Variants in EFNA5 observed in about 807,000 individuals in gnomAD.
EFNA5 encodes the protein ephrin-A5.
In EFNA5, 5 loss-of-function variants were observed where a neutral mutation model predicts 22.9. That is an observed-to-expected ratio of 0.22 (90% CI 0.11 to 0.46). The LOEUF (loss-of-function observed/expected upper bound fraction) is 0.46, where lower values mean the gene tolerates loss of function less well. EFNA5 is among the 20% of genes least tolerant of loss of function. EFNA5 has a pLI of 0.99. For missense variants in EFNA5, 237 were observed against 293.3 expected (o/e 0.81, Z 1.40); for synonymous variants, 113 against 112.2 (o/e 1.01, Z -0.04).
At chr5:107,622,771 C>T (rs1189206013) in intron 1 of EFNA5, among the ~76,000 whole-genome samples, 3 of 151,966 alleles carry the variant, frequency 2.0e-5, no homozygotes, top group Admixed American at 1.3e-4. Context: ...CCTGTAATCC[C>T]AGCACTTTAG....
intron 1 of EFNA5, among the ~76,000 whole-genome samples, chr5:107,472,294 G>T (rs1033576563): frequency 1.3e-5 from 2 of 152,134 alleles, no homozygotes; most frequent in African/African-American, 4.8e-5. Context: ...GGTTACGATG[G>T]CGTCATCAAA....
At position 107,628,688 on chromosome 5, in the gene EFNA5, T is replaced by C. The variant is rs115896545; in HGVS notation, c.125+41801A>G. On this transcript the variant is annotated intron_variant, in intron 1 of 4. Coordinates refer to ENST00000333274, the MANE Select transcript of EFNA5 (RefSeq NM_001962.3). Reference sequence around the variant, plus strand: ...TAATGGGCTGAAAGCAAAACTACAATGTAACTCAAAGAGGGAATATGAAGC... The same window carrying C: ...TAATGGGCTGAAAGCAAAACTACAACGTAACTCAAAGAGGGAATATGAAGC... Among the ~76,000 whole-genome samples, 1,151 of 152,146 alleles carry C rather than the reference T, an allele frequency of 7.6e-3. 18 individuals carry two copies. Among genetic ancestry groups the C allele is most frequent in the African/African-American group, 0.025 (1,048 of 41,500 alleles).
intron 1 of EFNA5, among the ~76,000 whole-genome samples, chr5:107,542,559 G>A (rs575018872): frequency 6.6e-6 from 1 of 152,006 alleles, no homozygotes; most frequent in Non-Finnish European, 1.5e-5. Context: ...GTATAAGGGG[G>A]GGGTGCGGGG....
At chr5:107,535,569 T>C (rs1302977274) in intron 1 of EFNA5, among the ~76,000 whole-genome samples, 2 of 152,154 alleles carry the variant, frequency 1.3e-5, no homozygotes, top group East Asian at 3.8e-4. Context: ...TTATATGACA[T>C]TATTTTTATA....
At chr5:107,527,342 A>G (rs1747715845) in intron 1 of EFNA5, among the ~76,000 whole-genome samples, 1 of 149,934 alleles carries the variant, frequency 6.7e-6, no homozygotes, top group Admixed American at 6.7e-5. Flanking sequence ...GCTGGAATAC[A>G]GTGGCGCAAT....
chr5:107,469,681 C>T (rs2112464388), intron 1 of EFNA5, among the ~76,000 whole-genome samples: 1 of 152,010 alleles, frequency 6.6e-6, no homozygotes, highest in South Asian at 2.1e-4. Context: ...TACCACGCAC[C>T]CAAGAGCTGT....
rs79050966 is a variant in EFNA5, at chr5:107,598,314, T to C, written c.125+72175A>G. ...CCTGAGTCCTGCATAATTTTTAACA[T>C]CTTATCCATAATCACTGGCTCTGAC... On this transcript the variant is annotated intron_variant, in intron 1 of 4. Transcript: ENST00000333274. Among the ~76,000 whole-genome samples, 577 of 152,276 alleles carry C rather than the reference T, an allele frequency of 3.8e-3. 3 individuals are homozygous for C. Among genetic ancestry groups the C allele is most frequent in the South Asian group, 6.4e-3 (31 of 4,822 alleles).
chr5:107,428,222 T>C (rs1748856118), intron 1 of EFNA5, among the ~76,000 whole-genome samples: 1 of 152,222 alleles, frequency 6.6e-6, no homozygotes, highest in South Asian at 2.1e-4. Context: ...ATCTCGATTT[T>C]GATGCAGCAT....
chr5:107,631,166 T>C (rs1476894646), intron 1 of EFNA5, among the ~76,000 whole-genome samples: 2 of 152,002 alleles, frequency 1.3e-5, no homozygotes, highest in Admixed American at 6.6e-5. Flanking sequence ...GCAATAGGCA[T>C]TTTTCAGCTC....
intron 1 of EFNA5, among the ~76,000 whole-genome samples, chr5:107,501,301 C>T (rs1412539173): frequency 6.6e-6 from 1 of 152,176 alleles, no homozygotes; most frequent in African/African-American, 2.4e-5. Context: ...TCCTGCACAA[C>T]ACAACATCAA....
chr5:107,611,349 T>C (rs1580559435), intron 1 of EFNA5, among the ~76,000 whole-genome samples: 1 of 152,166 alleles, frequency 6.6e-6, no homozygotes, highest in East Asian at 1.9e-4. Flanking sequence ...ATGAAGCAAA[T>C]ACTGTGTCAG....
intron 1 of EFNA5, among the ~76,000 whole-genome samples, chr5:107,515,550 G>A (rs1340209363): frequency 6.6e-6 from 1 of 151,630 alleles, no homozygotes; most frequent in Non-Finnish European, 1.5e-5. Flanking sequence ...GGCTAATTTT[G>A]TGTTTTTCGT....
chr5:107,494,777 C>T lies in EFNA5; in HGVS notation c.126-67268G>A, dbSNP rs1284171018. 2.0e-5 allele frequency among the ~76,000 whole-genome samples: 3 copies of T among 152,140 alleles called. No homozygotes were observed. In the South Asian group the frequency reaches 6.2e-4, roughly 32 times the overall value. On this transcript the variant is annotated intron_variant, in intron 1 of 4. Coordinates refer to ENST00000333274, the MANE Select transcript of EFNA5 (RefSeq NM_001962.3). Reference sequence around the variant, plus strand: ...GGCCTTGGAGAACCTTTATGTCTAGCTCAGGAATTGTAAATACACCAATCA... The same window carrying T: ...GGCCTTGGAGAACCTTTATGTCTAGTTCAGGAATTGTAAATACACCAATCA...
At chr5:107,453,505 T>A (rs1454014111) in intron 1 of EFNA5, among the ~76,000 whole-genome samples, 1 of 152,200 alleles carries the variant, frequency 6.6e-6, no homozygotes, top group Non-Finnish European at 1.5e-5. Flanking sequence ...TACATGGGAA[T>A]TAAACTCTAT....
chr5:107,616,886 A>C (rs1334098732), intron 1 of EFNA5, among the ~76,000 whole-genome samples: 1 of 152,206 alleles, frequency 6.6e-6, no homozygotes, highest in African/African-American at 2.4e-5. Context: ...TTTTGATTAC[A>C]TCTGAAAATA....
At chr5:107,448,245 G>A (rs1269933916) in intron 1 of EFNA5, among the ~76,000 whole-genome samples, 1 of 152,170 alleles carries the variant, frequency 6.6e-6, no homozygotes, top group African/African-American at 2.4e-5. Flanking sequence ...ATTAGACCAG[G>A]CAAACAAACA....
rs79287943 is a variant in EFNA5 at position 107,437,409 on chromosome 5, T to G, written c.126-9900A>C. Among the ~76,000 whole-genome samples, 900 of 152,308 alleles carry G rather than the reference T, an allele frequency of 5.9e-3. 12 individuals carry two copies. Among genetic ancestry groups the G allele is most frequent in the African/African-American group, 0.019 (810 of 41,558 alleles). On this transcript the variant is annotated intron_variant, in intron 1 of 4. Transcript: ENST00000333274. ...GAGCAGTTGGATACAAATCTGGGAC[T>G]GGGAATGAGGCTAATACAAAGAAAA...
intron 1 of EFNA5, among the ~76,000 whole-genome samples, chr5:107,556,022 C>T (rs1283871356): frequency 2.6e-5 from 4 of 152,212 alleles, no homozygotes; most frequent in Admixed American, 1.3e-4. Context: ...CCCTTCTTCA[C>T]ACCTTGTGCC....
chr5:107,491,739 G>C (rs1364622025), intron 1 of EFNA5, among the ~76,000 whole-genome samples: 1 of 152,192 alleles, frequency 6.6e-6, no homozygotes, highest in Non-Finnish European at 1.5e-5. Flanking sequence ...TGGAAAATAG[G>C]AGTGGGAAGA....
Sources: gnomAD v4.1 joint callset for allele counts (sites outside exome capture counted in the v4.1 genomes callset) on GRCh38, gnomAD v4.1.1 for gene constraint, MANE v1.5 for transcripts, NCBI Gene and HGNC (gene_info 2026-07-23, HGNC 2026-07-21) for gene names.